The following LSAMP variants were observed in gnomAD, a reference collection of about 807,000 sequenced individuals.
LSAMP encodes limbic system-associated membrane protein.
A neutral mutation model predicts 38.6 loss-of-function variants in LSAMP; 7 were observed. The observed-to-expected ratio is 0.18, with a 90% CI of 0.10 to 0.34. The LOEUF is 0.34. Among genes scored for constraint, LSAMP ranks in the 10% least tolerant of loss-of-function variants. LSAMP has a pLI of 1.00. For synonymous variants in LSAMP, 154 were observed against 166.8 expected (o/e 0.92, Z 0.59); for missense variants, 313 against 420.0 (o/e 0.75, Z 2.23).
chr3:116,384,919 G>A (rs1205174449), intron 1 of LSAMP, among the ~76,000 whole-genome samples: 2 of 151,658 alleles, frequency 1.3e-5, no homozygotes, highest in African/African-American at 4.9e-5. Flanking sequence ...TTCAAAAGCT[G>A]TATGTCAAAA....
At chr3:116,155,079 C>T (rs999787672) in intron 1 of LSAMP, among the ~76,000 whole-genome samples, 2 of 151,780 alleles carry the variant, frequency 1.3e-5, no homozygotes, top group Admixed American at 6.6e-5. Context: ...GAGAAAATCT[C>T]ACCTTGTAGA....
chr3:116,140,279 C>G (rs534125127), intron 1 of LSAMP, among the ~76,000 whole-genome samples: 1 of 152,020 alleles, frequency 6.6e-6, no homozygotes, highest in Non-Finnish European at 1.5e-5. Flanking sequence ...AACAAACCAC[C>G]AGGTGACAGT....
intron 1 of LSAMP, among the ~76,000 whole-genome samples, chr3:116,317,714 T>C (rs1290574946): frequency 2.6e-5 from 4 of 152,122 alleles, no homozygotes; most frequent in Non-Finnish European, 2.9e-5. Flanking sequence ...GCAGTAGTTA[T>C]AGTTCATGAT....
chr3:116,165,102 T>C (rs902460373), intron 1 of LSAMP, among the ~76,000 whole-genome samples: 1 of 152,204 alleles, frequency 6.6e-6, no homozygotes, highest in Non-Finnish European at 1.5e-5. Context: ...ACAGATAGTA[T>C]GTCTGAGCAG....
At chr3:115,836,260 T>C (rs1934782479) in intron 6 of LSAMP, among the ~76,000 whole-genome samples, 2 of 152,208 alleles carry the variant, frequency 1.3e-5, no homozygotes, top group Non-Finnish European at 2.9e-5. Flanking sequence ...GTTATTCTCA[T>C]TCTCTTAATT....
intron 3 of LSAMP, among the ~76,000 whole-genome samples, chr3:115,980,287 T>G (rs1452368682): frequency 6.6e-6 from 1 of 152,096 alleles, no homozygotes; most frequent in Admixed American, 6.6e-5. Context: ...CTAAAGAAGA[T>G]TGTAAGTTTT....
chr3:116,287,775 C>A (rs1020919416), intron 1 of LSAMP, among the ~76,000 whole-genome samples: 2 of 152,190 alleles, frequency 1.3e-5, no homozygotes, highest in African/African-American at 2.4e-5. Flanking sequence ...TTGATCATTT[C>A]ATGCTCCAAT....
intron 4 of LSAMP, among the ~76,000 whole-genome samples, chr3:115,843,690 T>A (rs997055669): frequency 4.6e-5 from 7 of 151,338 alleles, no homozygotes; most frequent in Admixed American, 2.6e-4. Context: ...TTTCTGATAT[T>A]TTTTTTTTGT....
intron 1 of LSAMP, among the ~76,000 whole-genome samples, chr3:116,388,930 C>T (rs960075104): frequency 2.6e-5 from 4 of 151,934 alleles, no homozygotes; most frequent in African/African-American, 9.7e-5. Flanking sequence ...AAAGATGAGC[C>T]CAATAGAAAA....
intron 1 of LSAMP, among the ~76,000 whole-genome samples, chr3:116,438,865 C>A (rs935048094): frequency 6.6e-6 from 1 of 152,080 alleles, no homozygotes; most frequent in Non-Finnish European, 1.5e-5. Flanking sequence ...GTGTAACAAA[C>A]AAATGGGTTT....
intron 1 of LSAMP, among the ~76,000 whole-genome samples, chr3:116,226,905 T>C (rs997267238): frequency 6.6e-6 from 1 of 152,192 alleles, no homozygotes; most frequent in Non-Finnish European, 1.5e-5. Flanking sequence ...TAGCCCTTCC[T>C]TCTCCCTCCA....
chr3:116,445,310 C>T lies in LSAMP; in HGVS notation c.-279G>A. 1.8e-6 allele frequency: 1 copy of T among 568,474 alleles called. No individual in the cohort carries two copies. Among genetic ancestry groups the T allele is most frequent in the Non-Finnish European group, 3.1e-6 (1 of 323,326 alleles). The allele number at this position is 568,474 out of a possible 1,614,324, so 35.2% of individuals were successfully genotyped here. ...GCAAATAGCAAGCCCTCTGGAAGAG[C>T]TGAAGAGGAAGCCAAAGGAAAGGGT... On this transcript the variant is annotated 5_prime_UTR_variant, in exon 1 of 7. Coordinates refer to ENST00000490035, the MANE Select transcript of LSAMP (RefSeq NM_002338.5).
At chr3:116,289,389 T>G (rs1362661168) in intron 1 of LSAMP, among the ~76,000 whole-genome samples, 1 of 152,236 alleles carries the variant, frequency 6.6e-6, no homozygotes, top group Non-Finnish European at 1.5e-5. Flanking sequence ...AACAGCAATT[T>G]CTACCTGTAT....
Position 116,445,246 on chromosome 3 carries a change from G to A in LSAMP, c.-215C>T. On this transcript the variant is annotated 5_prime_UTR_variant, in exon 1 of 7. Coordinates refer to ENST00000490035, the MANE Select transcript of LSAMP (RefSeq NM_002338.5). ...AGCCCTCATAAAACCCAAGCAGAAG[G>A]GTGAAAAGTAAAAGCAACACAATTT... The A allele has an allele frequency of 1.7e-6, 1 of 590,030 alleles. No homozygotes were observed. Among genetic ancestry groups the A allele is most frequent in the South Asian group, 2.1e-5 (1 of 48,134 alleles). 36.5% of individuals were successfully genotyped at this position (590,030 alleles called of 1,614,324 possible).
chr3:116,035,697 C>G (rs1941030873), intron 2 of LSAMP, among the ~76,000 whole-genome samples: 1 of 152,162 alleles, frequency 6.6e-6, no homozygotes, highest in Non-Finnish European at 1.5e-5. Flanking sequence ...GTCCAGCGAC[C>G]ATGGACCTCA....
intron 1 of LSAMP, among the ~76,000 whole-genome samples, chr3:116,396,817 A>C (rs537209033): frequency 3.9e-4 from 59 of 152,262 alleles, no homozygotes; most frequent in African/African-American, 1.3e-3. Context: ...TGTTTTCTCT[A>C]ACTCAGTTTT....
At chr3:115,933,538 T>C (rs1235562837) in intron 3 of LSAMP, among the ~76,000 whole-genome samples, 1 of 152,174 alleles carries the variant, frequency 6.6e-6, no homozygotes, top group Non-Finnish European at 1.5e-5. Context: ...ATGTTGAAAT[T>C]GAGACCCGTA....
chr3:115,891,438 C>T (rs543936377), intron 3 of LSAMP, among the ~76,000 whole-genome samples: 147 of 152,150 alleles, frequency 9.7e-4, no homozygotes, highest in African/African-American at 3.4e-3. Flanking sequence ...AGCTGAGCCA[C>T]GTCATCCCAG....
chr3:116,205,950 A>G lies in LSAMP; in HGVS notation c.156-119394T>C, dbSNP rs1294623013. ...GTTAGGGAGGATTCCCTCTTTTTCT[A>G]TTGATTGGAATAGTTTCAGAAGGAA... On this transcript the variant is annotated intron_variant, in intron 1 of 6. Transcript: ENST00000490035. Among the ~76,000 whole-genome samples the G allele has an allele frequency of 1.4e-3, 212 of 147,380 alleles. 2 individuals are homozygous for G. Among genetic ancestry groups the G allele is most frequent in the African/African-American group, 5.0e-3 (197 of 39,554 alleles).
Sources: gnomAD v4.1 joint callset for allele counts (sites outside exome capture counted in the v4.1 genomes callset) on GRCh38, gnomAD v4.1.1 for gene constraint, MANE v1.5 for transcripts, NCBI Gene and HGNC (gene_info 2026-07-23, HGNC 2026-07-21) for gene names.